The following AXL variants were observed in gnomAD, a reference collection of about 807,000 sequenced individuals.
AXL encodes the protein tyrosine-protein kinase receptor UFO.
AXL carries 52 observed loss-of-function variants against 104.5 expected under a neutral mutation model. The observed-to-expected ratio is 0.50, with a 90% CI of 0.40 to 0.63. The LOEUF (loss-of-function observed/expected upper bound fraction) is 0.63, where lower values mean the gene tolerates loss of function less well. Ranked by LOEUF, AXL falls within the 20% of genes least tolerant of loss-of-function variation. AXL has a pLI of 0.00. For synonymous variants in AXL, 455 were observed against 473.7 expected, an observed-to-expected ratio of 0.96 and a Z score of 0.51; for missense variants, 1,024 against 1,188.5, an observed-to-expected ratio of 0.86 and a Z score of 2.04.
intron 11 of AXL, 71 bp from the exon 12 acceptor site, chr19:41,243,545 C>A: frequency 8.2e-7 from 1 of 1,217,366 alleles, no homozygotes; most frequent in Non-Finnish European, 1.2e-6. Context: ...ATGGTGCTTG[C>A]TCAACTGCTG....
intron 6 of AXL, among the ~76,000 whole-genome samples, chr19:41,237,366 C>T (rs2034098028): frequency 6.6e-6 from 1 of 152,142 alleles, no homozygotes. Flanking sequence ...TCGCAGCCTC[C>T]CGAGTAGCTG....
rs1365144781 is a variant in AXL at position 41,259,681 on chromosome 19, A to G, written c.2462A>G (p.Tyr821Cys). The change falls in exon 20 of 20, where the codon TAT becomes TGT. Residue 821 changes from tyrosine (Y) to cysteine (C), a missense_variant. By Grantham distance (194) the Tyr-to-Cys change is radical. This residue lies in a region of AXL where 523 missense variants were observed against 636.0 expected (regional missense o/e 0.82). Coordinates refer to ENST00000301178, the MANE Select transcript of AXL (RefSeq NM_021913.5). The stretch of plus-strand genomic sequence containing the variant: ...GCCCAGGAGCCTGACGAAATCCTCT[A>G]TGTCAACATGGATGAGGGTGGAGGT... ...PPAQEPDEIL[Y>C]VNMDEGGGYP... 3 of 1,614,002 alleles carry G rather than the reference A, an allele frequency of 1.9e-6. No individual in the cohort carries two copies. The highest frequency in any genetic ancestry group is 1.1e-5 in the South Asian group (1 of 91,076).
intron 11 of AXL, 129 bp downstream of exon 11, chr19:41,243,144 C>T (rs541132755): frequency 2.9e-6 from 4 of 1,356,044 alleles, no homozygotes; most frequent in African/African-American, 1.5e-5. Flanking sequence ...GGAAGCCAGG[C>T]GTGGTGGCTC....
chr19:41,243,719 C>T lies in AXL; in HGVS notation c.1537+12C>T. ...CACTGAAGCTACCTGTAAGTGAACCCTATGCCCCACTGCCCTGGCCTGGAT... is the reference window on the plus strand; with the variant it reads ...CACTGAAGCTACCTGTAAGTGAACCTTATGCCCCACTGCCCTGGCCTGGAT... On this transcript the variant is annotated intron_variant, in intron 12 of 19. Coordinates refer to ENST00000301178, the MANE Select transcript of AXL (RefSeq NM_021913.5). 1.2e-6 allele frequency: 2 copies of T among 1,607,826 alleles called. No homozygotes were observed. The highest frequency in any genetic ancestry group is 4.5e-5 in the East Asian group (2 of 44,836).
intron 16 of AXL, 152 bp from the exon 17 acceptor site, chr19:41,253,447 A>G: frequency 1.6e-6 from 1 of 643,618 alleles, no homozygotes; most frequent in Non-Finnish European, 2.8e-6. Flanking sequence ...AGTTTATAGG[A>G]CCTTGCAGGC....
intron 6 of AXL, among the ~76,000 whole-genome samples, chr19:41,232,057 C>T (rs1464309379): frequency 6.6e-6 from 1 of 152,164 alleles, no homozygotes; most frequent in Non-Finnish European, 1.5e-5. Context: ...AGTCTGGAGC[C>T]ATTTCTGTCA....
At chr19:41,257,655 C>T in intron 19 of AXL, 26 bp downstream of exon 19, 2 of 1,613,546 alleles carry the variant, frequency 1.2e-6, no homozygotes, top group African/African-American at 1.3e-5. Context: ...TCTCCCCCAA[C>T]CCAGAATTCA....
At chr19:41,219,608 G>T in intron 1 of AXL, 131 bp downstream of exon 1, 1 of 994,306 alleles carries the variant, frequency 1.0e-6, no homozygotes, top group East Asian at 2.6e-5. Flanking sequence ...CACAGAAAAG[G>T]GACTTCAAGG....
At position 41,238,578 on chromosome 19, in the gene AXL, G is replaced by A. The variant is rs755240418; in HGVS notation, c.1103G>A (p.Arg368Gln). 67 of 1,612,710 alleles carry A rather than the reference G, an allele frequency of 4.2e-5. No homozygotes were observed. Among genetic ancestry groups the A allele is most frequent in the Middle Eastern group, 1.7e-4 (1 of 6,042 alleles). ...CTGCAGGGTACCCTGTTAGGGTACC[G>A]GCTGGCGTATCAAGGCCAGGACACC... ...APLQGTLLGY[R>Q]LAYQGQDTPE... Residue 368 changes from arginine to glutamine, a missense_variant, in exon 8 of 20, where the codon CGG becomes CAG. Coordinates refer to ENST00000301178, the MANE Select transcript of AXL (RefSeq NM_021913.5).
Position 41,231,025 on chromosome 19 carries a change from A to G in AXL, c.645A>G (p.Thr215=). ...CEAHNAKGVT[T]SRTATITVLP... is the part of the protein sequence containing the mutation. ...CCCATAACGCCAAGGGGGTCACCAC[A>G]TCCCGCACAGCCACCATCACAGGTG... Residue 215 remains threonine, a synonymous_variant, in exon 5 of 20, where the codon ACA becomes ACG. Transcript: ENST00000301178. The G allele has an allele frequency of 6.2e-7, 1 of 1,613,846 alleles. No homozygotes were observed. The highest frequency in any genetic ancestry group is 8.5e-7 in the Non-Finnish European group (1 of 1,179,858).
chr19:41,243,863 G>A (rs914020936), intron 12 of AXL, 156 bp downstream of exon 12: 4 of 615,922 alleles, frequency 6.5e-6, no homozygotes, highest in Non-Finnish European at 1.2e-5. Context: ...ACAGATTTGT[G>A]GAACCACAAA....
chr19:41,231,462 C>G (rs2033987862), intron 6 of AXL, among the ~76,000 whole-genome samples, 164 bp downstream of exon 6: 1 of 152,126 alleles, frequency 6.6e-6, no homozygotes, highest in South Asian at 2.1e-4. Context: ...CTAGCTCCAC[C>G]ACCTTCTGGC....
rs777529927 is a variant in AXL at position 41,220,670 on chromosome 19, C to A, written c.120C>A (p.Asn40Lys). 1.9e-6 allele frequency: 3 copies of A among 1,604,678 alleles called. No homozygotes were observed. Among genetic ancestry groups the A allele is most frequent in the Non-Finnish European group, 2.6e-6 (3 of 1,175,668 alleles). ...TQAEESPFVG[N>K]PGNITGARGL... ...CTGAAGAAAGTCCCTTCGTGGGCAA[C>A]CCAGGGAATATCACAGGTGCCCGGG... The change falls in exon 2 of 20, where the codon AAC (asparagine) becomes AAA (lysine). Residue 40 changes from asparagine to lysine, a missense_variant. Asn to Lys is a moderately conservative substitution (Grantham distance 94). Coordinates refer to ENST00000301178, the MANE Select transcript of AXL (RefSeq NM_021913.5).
At chr19:41,255,595 A>C (rs1396883890) in intron 17 of AXL, among the ~76,000 whole-genome samples, 1 of 151,944 alleles carries the variant, frequency 6.6e-6, no homozygotes, top group Non-Finnish European at 1.5e-5. Context: ...ATGTGCCACC[A>C]TGTCCAGCTA....
At chr19:41,226,705 C>G (rs12459929) in intron 4 of AXL, 123,628 of 977,260 alleles carry the variant, frequency 0.13, 8,226 homozygotes, top group Non-Finnish European at 0.14. Context: ...TCCACAGATA[C>G]ACGCAGGGTC....
In AXL at chr19:41,259,649, G is replaced by A. The variant is rs2034504778; in HGVS notation, c.2430G>A (p.Leu810=). The change falls in exon 20 of 20, where the codon TTG becomes TTA. Residue 810 remains leucine, a synonymous_variant. Transcript: ENST00000301178. ...ATTTGGAGAACACACTGAAGGCCTT[G>A]CCTCCTGCCCAGGAGCCTGACGAAA... ...REDLENTLKA[L]PPAQEPDEIL... is the part of the protein sequence containing the mutation. 2 of 1,614,068 alleles carry A rather than the reference G, an allele frequency of 1.2e-6. No individual in the cohort carries two copies. The highest frequency in any genetic ancestry group is 1.1e-5 in the South Asian group (1 of 91,070).
intron 10 of AXL, among the ~76,000 whole-genome samples, 162 bp from the exon 11 acceptor site, chr19:41,242,721 G>C (rs2034204837): frequency 1.3e-5 from 2 of 152,070 alleles, no homozygotes; most frequent in African/African-American, 4.8e-5. Flanking sequence ...GCCCTGTCCA[G>C]CCCAGCCCAT....
At chr19:41,230,327 G>A (rs2122217562) in intron 4 of AXL, among the ~76,000 whole-genome samples, 1 of 151,746 alleles carries the variant, frequency 6.6e-6, no homozygotes, top group Middle Eastern at 3.4e-3. Context: ...AAGAATGTGT[G>A]TGTGTGTGTG....
At chr19:41,228,956 C>CTT (rs36016970) in intron 4 of AXL, among the ~76,000 whole-genome samples, 11,272 of 148,666 alleles carry the variant, frequency 0.076, 593 homozygotes, top group South Asian at 0.22. Context: ...TCTTTTCTTT[C>CTT]TTTTTTTTTT....
Sources: allele counts gnomAD v4.1 joint callset (sites outside exome capture counted in the v4.1 genomes callset), GRCh38; gene constraint gnomAD v4.1.1; regional missense constraint gnomAD v4.1.1; transcripts MANE v1.5; gene names NCBI Gene and HGNC (gene_info 2026-07-23, HGNC 2026-07-21).